Variants in GRK4 observed in about 807,000 individuals in gnomAD.
The protein encoded by GRK4 is G protein-coupled receptor kinase 2-like.
Under a neutral mutation model 77.9 loss-of-function variants are expected in GRK4, and 73 were observed. The observed-to-expected ratio is 0.94, with a 90% CI of 0.78 to 1.14. The LOEUF is 1.14. Ranked by LOEUF, GRK4 falls within the 50% of genes most tolerant of loss-of-function variation. The pLI, the probability that GRK4 is intolerant of heterozygous loss-of-function variation, is 0.00. For missense variants in GRK4, 729 were observed against 700.2 expected (o/e 1.04, Z -0.46); for synonymous variants, 257 against 254.4 (o/e 1.01, Z -0.10).
intron 14 of GRK4, among the ~76,000 whole-genome samples, chr4:3,037,896 C>T (rs1741241646): frequency 7.0e-6 from 1 of 143,170 alleles, no homozygotes; most frequent in African/African-American, 2.6e-5. Context: ...CCTTGGGCGA[C>T]AGAACGAGAC....
At chr4:3,008,757 G>A (rs964660125) in intron 6 of GRK4, among the ~76,000 whole-genome samples, 10 of 150,994 alleles carry the variant, frequency 6.6e-5, no homozygotes, top group African/African-American at 2.4e-4. Flanking sequence ...GAGCTGAGGT[G>A]GCTCCACTGC....
chr4:3,018,966 C>T (rs552074599), intron 8 of GRK4, among the ~76,000 whole-genome samples: 8 of 152,194 alleles, frequency 5.3e-5, no homozygotes, highest in African/African-American at 1.9e-4. Flanking sequence ...TGCTGGTTTT[C>T]CCTAATTGAT....
intron 1 of GRK4, among the ~76,000 whole-genome samples, chr4:2,983,076 G>C (rs1280649326): frequency 6.6e-6 from 1 of 152,186 alleles, no homozygotes; most frequent in South Asian, 2.1e-4. Flanking sequence ...ATTGAGTAGG[G>C]GGAGTAGAAG....
At chr4:3,014,626 T>C (rs1733936254) in intron 8 of GRK4, among the ~76,000 whole-genome samples, 1 of 151,976 alleles carries the variant, frequency 6.6e-6, no homozygotes, top group African/African-American at 2.4e-5. Flanking sequence ...AAATCCCGTC[T>C]CTACTAAAAA....
At chr4:3,012,042 G>A (rs907530330) in intron 7 of GRK4, among the ~76,000 whole-genome samples, 3 of 152,272 alleles carry the variant, frequency 2.0e-5, no homozygotes, top group South Asian at 2.1e-4. Context: ...GGCCCTGCCC[G>A]CCAGGCTGCT....
Position 2,964,045 on chromosome 4 carries a change from T to A in GRK4, c.-26T>A, listed in dbSNP as rs1267272731. 1 of 1,599,552 alleles carries A rather than the reference T, an allele frequency of 6.3e-7. No homozygotes were observed. Among genetic ancestry groups the A allele is most frequent in the Non-Finnish European group, 8.5e-7 (1 of 1,174,280 alleles). ...CCTCAGTCTCCTCGGTCTCGCAGAA[T>A]CCGCCGGCGGCGGCGGCGCCAGGAC... On this transcript the variant is annotated 5_prime_UTR_variant, in exon 1 of 16. Transcript: ENST00000398052.
chr4:3,024,758 C>T (rs1159210528), intron 10 of GRK4, among the ~76,000 whole-genome samples: 5 of 151,506 alleles, frequency 3.3e-5, no homozygotes, highest in Admixed American at 6.6e-5. Context: ...CTCAGGAGGC[C>T]GAGGCAGGAG....
chr4:3,030,543 A>G (rs890587157), intron 12 of GRK4, among the ~76,000 whole-genome samples: 2 of 152,198 alleles, frequency 1.3e-5, no homozygotes, highest in African/African-American at 4.8e-5. Flanking sequence ...CCTGCCAGCG[A>G]GAACTGACAG....
rs60314379 is a variant in GRK4, at chr4:2,967,348, C to G, written c.52+3226C>G. On this transcript the variant is annotated intron_variant, in intron 1 of 15. Coordinates refer to ENST00000398052, the MANE Select transcript of GRK4 (RefSeq NM_182982.3). ...CTGCACTGAAAGTGTTTGTGTGTCACTCTGCCAGGGACATGAAGGAAGCGT... is the reference window on the plus strand; with the variant it reads ...CTGCACTGAAAGTGTTTGTGTGTCAGTCTGCCAGGGACATGAAGGAAGCGT... Among the ~76,000 whole-genome samples the G allele has an allele frequency of 1.3e-3, 198 of 152,328 alleles. 1 individual carries two copies. The East Asian group carries it at 0.035, about 27-fold the overall frequency.
At position 3,009,640 on chromosome 4, in the gene GRK4, T is replaced by C; in HGVS notation, c.537-8T>C. 1 of 1,612,064 alleles carries C rather than the reference T, an allele frequency of 6.2e-7. No homozygotes were observed. The highest frequency in any genetic ancestry group is 8.5e-7 in the Non-Finnish European group (1 of 1,178,488). On this transcript the variant is annotated splice_polypyrimidine_tract_variant and splice_region_variant and intron_variant, in intron 6 of 15. Coordinates refer to ENST00000398052, the MANE Select transcript of GRK4 (RefSeq NM_182982.3). ...TGAGACCTGAAACTTGTTTTTCTCA[T>C]TGATTAGGCAACCCGTAACAAAGAA...
chr4:2,998,335 C>A (rs1347482045), intron 4 of GRK4, among the ~76,000 whole-genome samples: 1 of 151,150 alleles, frequency 6.6e-6, no homozygotes, highest in Non-Finnish European at 1.5e-5. Context: ...CCAGCCTGGG[C>A]AACACAGCAA....
chr4:3,027,860 C>CA, intron 10 of GRK4, 52 bp from the exon 11 acceptor site: 2 of 1,446,116 alleles, frequency 1.4e-6, no homozygotes, highest in East Asian at 2.3e-5. Context: ...ATTGTTGTTA[C>CA]GGTGTCATTA....
At chr4:3,009,295 G>A (rs567816787) in intron 6 of GRK4, among the ~76,000 whole-genome samples, 10 of 151,670 alleles carry the variant, frequency 6.6e-5, no homozygotes, top group Admixed American at 4.6e-4. Context: ...AGTGGCAGGC[G>A]CCTGTAATCC....
chr4:3,019,410 G>A (rs1450950561), intron 8 of GRK4, among the ~76,000 whole-genome samples: 1 of 152,172 alleles, frequency 6.6e-6, no homozygotes, highest in South Asian at 2.1e-4. Context: ...CCACTTCTTC[G>A]CTTAGCTGTA....
chr4:2,968,096 TG>T lies in GRK4; in HGVS notation c.52+3975del, dbSNP rs1429067564. Among the ~76,000 whole-genome samples, 5 of 150,090 alleles carry T rather than the reference TG, an allele frequency of 3.3e-5. No homozygotes were observed. The East Asian group carries it at 7.7e-4, about 23-fold the overall frequency. ...GTGAGCCACTGTGCCCGGCCTGTTTTGTTTTTTTTTTTAATTTAGGATTTTT... is the reference window on the plus strand; with the variant it reads ...GTGAGCCACTGTGCCCGGCCTGTTTTTTTTTTTTTTTAATTTAGGATTTTT... On this transcript the variant is annotated intron_variant, in intron 1 of 15. Coordinates refer to ENST00000398052, the MANE Select transcript of GRK4 (RefSeq NM_182982.3).
intron 1 of GRK4, among the ~76,000 whole-genome samples, chr4:2,975,803 G>C (rs1021006282): frequency 6.6e-6 from 1 of 152,180 alleles, no homozygotes; most frequent in African/African-American, 2.4e-5. Flanking sequence ...CAGAAACATA[G>C]TCAGCTTTTG....
At chr4:3,033,120 T>C (rs1739611542) in intron 12 of GRK4, among the ~76,000 whole-genome samples, 1 of 152,200 alleles carries the variant, frequency 6.6e-6, no homozygotes, top group African/African-American at 2.4e-5. Context: ...TGGTGGCTCA[T>C]ACCTATAATC....
chr4:2,969,537 C>T (rs577557445), intron 1 of GRK4, among the ~76,000 whole-genome samples: 26 of 152,094 alleles, frequency 1.7e-4, no homozygotes, highest in East Asian at 9.7e-4. Context: ...CTACCACGCC[C>T]GGCTAATTTT....
intron 4 of GRK4, among the ~76,000 whole-genome samples, chr4:2,995,234 C>T (rs181355856): frequency 6.2e-4 from 95 of 152,150 alleles, no homozygotes; most frequent in Middle Eastern, 3.4e-3. Flanking sequence ...AATAGTGTTG[C>T]AATGAACATA....
Sources: gnomAD v4.1 joint callset for allele counts (sites outside exome capture counted in the v4.1 genomes callset) on GRCh38, gnomAD v4.1.1 for gene constraint, MANE v1.5 for transcripts, NCBI Gene and HGNC (gene_info 2026-07-23, HGNC 2026-07-21) for gene names.